Variants in SZT2 observed in about 807,000 individuals in gnomAD.
SZT2 encodes the protein KICSTOR complex protein SZT2.
In SZT2, 216 loss-of-function variants were observed where a neutral mutation model predicts 404.2. That is an observed-to-expected ratio of 0.53 (90% CI 0.48 to 0.60). The LOEUF is 0.60. SZT2 is among the 20% of genes least tolerant of loss of function. SZT2 has a pLI of 0.00. For missense variants in SZT2, 3,857 were observed against 4,459.2 expected (o/e 0.86, Z 3.85); for synonymous variants, 1,693 against 1,749.9 (o/e 0.97, Z 0.81).
rs959510310 is a variant in SZT2, at chr1:43,424,053, T to C, written c.2256-164T>C. ...TGTGGAAGGGCGTGGCTTAGCCGGG[T>C]ATGAGTGGTACAGAGGTGTGGAAGG... On this transcript the variant is annotated intron_variant, in intron 15 of 71. Coordinates refer to ENST00000634258, the MANE Select transcript of SZT2 (RefSeq NM_001365999.1). The surrounding 1 kb of genome is among the most constrained non-coding windows in gnomAD (Gnocchi z 4.1). Among the ~76,000 whole-genome samples, 1 of 140,468 alleles carries C rather than the reference T, an allele frequency of 7.1e-6. No individual in the cohort carries two copies. The highest frequency in any genetic ancestry group is 2.7e-5 in the African/African-American group (1 of 36,834). The allele number at this position is 140,468 out of a possible 152,430, so 92.2% of individuals were successfully genotyped here.
chr1:43,404,085 C>A, intron 3 of SZT2: 1 of 512,974 alleles, frequency 1.9e-6, no homozygotes, highest in Non-Finnish European at 3.5e-6. Flanking sequence ...TGGCATGCAC[C>A]TGTCCTAGCT....
At position 43,429,839 on chromosome 1, in the gene SZT2, A is replaced by G. The variant is rs1287882709; in HGVS notation, c.4303A>G (p.Ile1435Val). 2.5e-6 allele frequency: 4 copies of G among 1,614,020 alleles called. No individual in the cohort carries two copies. The highest frequency in any genetic ancestry group is 3.4e-6 in the Non-Finnish European group (4 of 1,180,036). Reference protein sequence around the residue: ...GEAHGALHSVIQEKFLEISRL... With the variant: ...GEAHGALHSVVQEKFLEISRL... ...GGCCCATGGTGCCCTTCATAGCGTCATCCAGGTGGGAAGCTTGGGTGAGGG... is the reference window on the plus strand; with the variant it reads ...GGCCCATGGTGCCCTTCATAGCGTCGTCCAGGTGGGAAGCTTGGGTGAGGG... Residue 1435 changes from isoleucine to valine, a missense_variant, in exon 29 of 72, where the codon ATC becomes GTC. Coordinates refer to ENST00000634258, the MANE Select transcript of SZT2 (RefSeq NM_001365999.1).
In SZT2 at chr1:43,443,655, C is replaced by T. The variant is rs750599048; in HGVS notation, c.8684C>T (p.Ser2895Phe). The T allele has an allele frequency of 1.9e-6, 3 of 1,614,242 alleles. No individual in the cohort carries two copies. The highest frequency in any genetic ancestry group is 2.5e-6 in the Non-Finnish European group (3 of 1,180,048). Reference protein sequence around the residue: ...GSREAPTSCESLDVSPPGARE... With the variant: ...GSREAPTSCEFLDVSPPGARE... ...CGAGAGGCCCCCACAAGCTGTGAATCCTTGGATGTGTCGCCCCCGGGAGCC... is the reference window on the plus strand; with the variant it reads ...CGAGAGGCCCCCACAAGCTGTGAATTCTTGGATGTGTCGCCCCCGGGAGCC... The change falls in exon 62 of 72, where the codon TCC becomes TTC. Residue 2895 changes from serine (S) to phenylalanine (F), a missense_variant. Ser to Phe is a radical substitution (Grantham distance 155). Coordinates refer to ENST00000634258, the MANE Select transcript of SZT2 (RefSeq NM_001365999.1).
At chr1:43,390,867 T>A (rs1648214648) in intron 1 of SZT2, among the ~76,000 whole-genome samples, 1 of 152,238 alleles carries the variant, frequency 6.6e-6, no homozygotes, top group African/African-American at 2.4e-5. Context: ...GAGAGATGTG[T>A]ATAATGATAG....
chr1:43,447,124 A>G lies in SZT2; in HGVS notation c.9242A>G (p.His3081Arg), dbSNP rs1013825680. 4.3e-6 allele frequency: 7 copies of G among 1,613,590 alleles called. No homozygotes were observed. The South Asian group carries it at 7.7e-5, about 18-fold the overall frequency. The change falls in exon 66 of 72, where the codon CAC becomes CGC. Residue 3081 changes from histidine to arginine, a missense_variant. Around this residue, in one of 7 missense-constraint regions of SZT2, gnomAD observed 717 missense variants for 868.2 expected, o/e 0.83. Coordinates refer to ENST00000634258, the MANE Select transcript of SZT2 (RefSeq NM_001365999.1). The part of the protein sequence containing the change: ...LTTFLRHFLA[H>R]HPDGPHFGRN... ...ACCTTTCTGCGACACTTCCTGGCCC[A>G]CCACCCTGACGGACCCCACTTTGGC...
In SZT2 at chr1:43,431,324, G is replaced by C. The variant is rs1653843984; in HGVS notation, c.4976G>C (p.Arg1659Thr). ...PRSPGQPSSL[R>T]SDDGLGPPLP... The stretch of plus-strand genomic sequence containing the variant: ...TCCCCAGGGCAGCCATCATCTTTAA[G>C]GTCAGATGATGGCCTCGGGCCCCCA... The change falls in exon 34 of 72, where the codon AGG (arginine) becomes ACG (threonine). Residue 1659 changes from arginine (R) to threonine (T), a missense_variant. Around this residue, in one of 7 missense-constraint regions of SZT2, gnomAD observed 1,725 missense variants for 1,881.0 expected, o/e 0.92. Coordinates refer to ENST00000634258, the MANE Select transcript of SZT2 (RefSeq NM_001365999.1). 6.2e-7 allele frequency: 1 copy of C among 1,613,482 alleles called. No homozygotes were observed. Among genetic ancestry groups the C allele is most frequent in the African/African-American group, 1.3e-5 (1 of 75,006 alleles).
intron 4 of SZT2, among the ~76,000 whole-genome samples, chr1:43,413,946 A>G (rs146404786): frequency 1.1e-3 from 167 of 152,256 alleles, no homozygotes; most frequent in Non-Finnish European, 2.0e-3. Flanking sequence ...AAAATAACTA[A>G]AAGAGTAAAA....
rs1653035217 is a variant in SZT2 at position 43,425,498 on chromosome 1, T to C, written c.2670T>C (p.Asp890=). 1 of 1,614,076 alleles carries C rather than the reference T, an allele frequency of 6.2e-7. No homozygotes were observed. Among genetic ancestry groups the C allele is most frequent in the East Asian group, 2.2e-5 (1 of 44,866 alleles). The change falls in exon 19 of 72, where the codon GAT becomes GAC. Residue 890 remains aspartate (D), a synonymous_variant. Coordinates refer to ENST00000634258, the MANE Select transcript of SZT2 (RefSeq NM_001365999.1). The surrounding 1 kb of genome is among the most constrained non-coding windows in gnomAD (Gnocchi z 4.3). The stretch of plus-strand genomic sequence containing the variant: ...GCTTCTCGACAGATGATGACAATGA[T>C]GTGGAAGTGGAGGCCCTGGAGGGAG... ...KDSFSTDDDN[D]VEVEALEGDS...
chr1:43,396,221 T>C (rs1648976047), intron 1 of SZT2, among the ~76,000 whole-genome samples: 1 of 152,136 alleles, frequency 6.6e-6, no homozygotes, highest in African/African-American at 2.4e-5. Flanking sequence ...ATCTAAGATA[T>C]AAAATAGTGA....
chr1:43,426,053 G>A lies in SZT2; in HGVS notation c.2945G>A (p.Gly982Glu), dbSNP rs746178163. The change falls in exon 21 of 72, where the codon GGA (glycine) becomes GAA (glutamate). Residue 982 changes from glycine to glutamate, a missense_variant. Physicochemically the swap from Gly to Glu is moderately conservative, Grantham distance 98. This residue lies in a region of SZT2 where 1,725 missense variants were observed against 1,881.0 expected (regional missense o/e 0.92). Coordinates refer to ENST00000634258, the MANE Select transcript of SZT2 (RefSeq NM_001365999.1). This position sits in a 1 kb window ranked among gnomAD's most constrained non-coding sequence, Gnocchi z 4.9. ...TCCCTCGTAGGATTGGATCAGGGAG[G>A]AGACACCTGCGTCCATGAGATCCCT... ...PRVSDGLDQG[G>E]DTCVHEIPFH... 6.2e-7 allele frequency: 1 copy of A among 1,614,132 alleles called. No homozygotes were observed. The highest frequency in any genetic ancestry group is 1.1e-5 in the South Asian group (1 of 91,070).
intron 63 of SZT2, 38 bp downstream of exon 63, chr1:43,446,022 A>G (rs764277646): frequency 1.2e-6 from 2 of 1,607,618 alleles, no homozygotes; most frequent in South Asian, 2.2e-5. Context: ...CTGATGCTAA[A>G]TTACTTTCCC....
In SZT2 at chr1:43,439,478, G is replaced by A. The variant is rs76236887; in HGVS notation, c.6877+36G>A. On this transcript the variant is annotated intron_variant, in intron 49 of 71. Transcript: ENST00000634258. The surrounding 1 kb of genome is among the most constrained non-coding windows in gnomAD (Gnocchi z 4.2). ...GGGCACGGGCCTGTGGCACCACCAGGTGAGGGAAAGCCTTTTGTCATCCTA... is the reference window on the plus strand; with the variant it reads ...GGGCACGGGCCTGTGGCACCACCAGATGAGGGAAAGCCTTTTGTCATCCTA... 2.5e-6 allele frequency: 4 copies of A among 1,598,444 alleles called. No homozygotes were observed. The East Asian group carries it at 9.0e-5, about 36-fold the overall frequency.
chr1:43,408,388 A>G (rs917872142), intron 4 of SZT2, among the ~76,000 whole-genome samples: 3 of 152,106 alleles, frequency 2.0e-5, no homozygotes, highest in African/African-American at 4.8e-5. Context: ...TCAGCCTGCC[A>G]AGTAGCTAGG....
rs373865576 is a variant in SZT2 at position 43,429,919 on chromosome 1, G to C, written c.4308+75G>C. Reference sequence around the variant, plus strand: ...AGAGGGACAGGATTCTCTCCTGGGCGGGGGGTATGCATGTGTCCTGCTCTA... The same window carrying C: ...AGAGGGACAGGATTCTCTCCTGGGCCGGGGGTATGCATGTGTCCTGCTCTA... On this transcript the variant is annotated intron_variant, in intron 29 of 71. Coordinates refer to ENST00000634258, the MANE Select transcript of SZT2 (RefSeq NM_001365999.1). 286 of 1,610,600 alleles carry C rather than the reference G, an allele frequency of 1.8e-4. 1 individual carries two copies. The South Asian group carries it at 2.5e-3, about 14-fold the overall frequency.
At position 43,409,509 on chromosome 1, in the gene SZT2, T is replaced by G. The variant is rs952768607; in HGVS notation, c.498+4959T>G. On this transcript the variant is annotated intron_variant, in intron 4 of 71. Transcript: ENST00000634258. The stretch of plus-strand genomic sequence containing the variant: ...TGTTTGCAGATGATATGATCTTTTA[T>G]TTGGAAAAACCTAATGGCTCCACCA... 10 of 394,578 alleles carry G rather than the reference T, an allele frequency of 2.5e-5. No individual in the cohort carries two copies. The Admixed American group carries it at 3.2e-4, about 12-fold the overall frequency. The allele number at this position is 394,578 out of a possible 1,614,324, so 24.4% of individuals were successfully genotyped here. A position where few individuals can be genotyped will look rare whatever the true frequency, so the allele number is the denominator to read the frequency against.
rs1363243724 is a variant in SZT2 at position 43,433,105 on chromosome 1, T to C, written c.5719T>C (p.Ser1907Pro). The C allele has an allele frequency of 1.2e-6, 2 of 1,614,022 alleles. No individual in the cohort carries two copies. The highest frequency in any genetic ancestry group is 2.7e-5 in the African/African-American group (2 of 74,918). ...PGPAPPQPSLSGLPGPCLPDF... is the reference protein window; with the variant it reads ...PGPAPPQPSLPGLPGPCLPDF... ...GCCAGCACCTCCACAGCCTTCACTCTCAGGCCTCCCTGGGCCCTGCCTGCC... is the reference window on the plus strand; with the variant it reads ...GCCAGCACCTCCACAGCCTTCACTCCCAGGCCTCCCTGGGCCCTGCCTGCC... The change falls in exon 40 of 72, where the codon TCA becomes CCA. Residue 1907 changes from serine (S) to proline (P), a missense_variant. Around this residue, in one of 7 missense-constraint regions of SZT2, gnomAD observed 1,725 missense variants for 1,881.0 expected, o/e 0.92. Transcript: ENST00000634258.
chr1:43,404,600 G>C, intron 4 of SZT2, 50 bp downstream of exon 4: 1 of 1,575,760 alleles, frequency 6.3e-7, no homozygotes, highest in South Asian at 1.1e-5. Context: ...ATTTCTATTA[G>C]TCCTCTGACC....
At chr1:43,449,671 T>C in intron 70 of SZT2, 1 of 260,704 alleles carries the variant, frequency 3.8e-6, no homozygotes, top group Admixed American at 4.3e-5. Flanking sequence ...GAACAGGCGG[T>C]AACTGAAGCC....
At position 43,448,324 on chromosome 1, in the gene SZT2, G is replaced by A; in HGVS notation, c.9809G>A (p.Gly3270Glu). Residue 3270 changes from glycine (G) to glutamate (E), a missense_variant, in exon 69 of 72, where the codon GGA becomes GAA. By Grantham distance (98) the Gly-to-Glu change is moderately conservative. Coordinates refer to ENST00000634258, the MANE Select transcript of SZT2 (RefSeq NM_001365999.1). The surrounding 1 kb of genome is among the most constrained non-coding windows in gnomAD (Gnocchi z 4.2). ...ARLAQLVRLA[G>E]GHCRRDTLWK... ...CTGGCTCAGCTGGTGCGGCTGGCTG[G>A]AGGGCACTGCCGTCGGGACACCCTT... is the stretch of plus-strand genomic sequence containing the variant. The A allele has an allele frequency of 6.4e-7, 1 of 1,553,042 alleles. No homozygotes were observed. The highest frequency in any genetic ancestry group is 8.7e-7 in the Non-Finnish European group (1 of 1,148,344).
Sources: allele counts gnomAD v4.1 joint callset (sites outside exome capture counted in the v4.1 genomes callset), GRCh38; gene constraint gnomAD v4.1.1; regional missense constraint gnomAD v4.1.1; non-coding constraint Gnocchi (gnomAD v3.1); transcripts MANE v1.5; gene names NCBI Gene and HGNC (gene_info 2026-07-23, HGNC 2026-07-21).